HACD3: variants seen among roughly 807,000 people sequenced by gnomAD.
HACD3 encodes the protein 3-hydroxyacyl-CoA dehydratase 3, also known as very-long-chain (3R)-3-hydroxyacyl-CoA dehydratase 3.
HACD3 carries 30 observed loss-of-function variants against 55.2 expected under a neutral mutation model. The ratio of observed to expected loss-of-function variants is 0.54; its 90% CI spans 0.41 to 0.74. The LOEUF is 0.74. HACD3 is among the 30% of genes least tolerant of loss of function. HACD3 has a pLI of 0.00. For missense variants in HACD3, 363 were observed against 440.1 expected (o/e 0.82, Z 1.57); for synonymous variants, 141 against 151.7 (o/e 0.93, Z 0.52).
intron 5 of HACD3, among the ~76,000 whole-genome samples, chr15:65,561,831 C>A (rs769485503): frequency 6.6e-6 from 1 of 152,190 alleles, no homozygotes; most frequent in South Asian, 2.1e-4. Context: ...CGAGTCTGAA[C>A]CTCCAGAACT....
At chr15:65,557,336 G>A (rs8029971) in intron 4 of HACD3, among the ~76,000 whole-genome samples, 26,652 of 152,060 alleles carry the variant, frequency 0.18, 3,468 homozygotes, top group East Asian at 0.73. Flanking sequence ...TTAGCCGGGC[G>A]TGGTGGTGCA....
intron 4 of HACD3, 65 bp from the exon 5 acceptor site, chr15:65,558,615 T>C (rs1471121048): frequency 1.4e-6 from 2 of 1,474,196 alleles, no homozygotes; most frequent in Non-Finnish European, 1.9e-6. Context: ...AGCCAGCATA[T>C]GGACTTTTGC....
intron 1 of HACD3, among the ~76,000 whole-genome samples, chr15:65,547,018 T>C (rs1022318208): frequency 4.6e-5 from 7 of 152,074 alleles, no homozygotes; most frequent in East Asian, 3.8e-4. Flanking sequence ...CTTCCTCCTG[T>C]GAGGGGGTAT....
chr15:65,568,655 A>G (rs118053094), intron 7 of HACD3, among the ~76,000 whole-genome samples: 9,501 of 152,060 alleles, frequency 0.062, 306 homozygotes, highest in African/African-American at 0.09. Context: ...CACCGCACCC[A>G]GCCATTATGT....
At chr15:65,549,920 A>G (rs1387811661) in intron 1 of HACD3, among the ~76,000 whole-genome samples, 2 of 152,344 alleles carry the variant, frequency 1.3e-5, no homozygotes, top group South Asian at 2.1e-4. Flanking sequence ...AAGTGGCCTC[A>G]ACTGGTAGGA....
intron 1 of HACD3, among the ~76,000 whole-genome samples, chr15:65,538,101 C>A (rs967747992): frequency 6.6e-6 from 1 of 151,418 alleles, no homozygotes; most frequent in Non-Finnish European, 1.5e-5. Context: ...TTTTCATGCC[C>A]GCTAACATAA....
chr15:65,558,638 A>G, intron 4 of HACD3, 42 bp from the exon 5 acceptor site: 3 of 1,551,394 alleles, frequency 1.9e-6, no homozygotes, highest in Non-Finnish European at 2.6e-6. Flanking sequence ...GCATCTGGGA[A>G]TTCTAACTTG....
chr15:65,558,775 T>C (rs1364670589), intron 5 of HACD3, 44 bp downstream of exon 5: 5 of 1,558,856 alleles, frequency 3.2e-6, no homozygotes, highest in Non-Finnish European at 4.4e-6. Flanking sequence ...TAACTTGTGC[T>C]AGTGTTGGAA....
chr15:65,532,863 C>T (rs867794608), intron 1 of HACD3, among the ~76,000 whole-genome samples: 10 of 152,040 alleles, frequency 6.6e-5, no homozygotes, highest in Non-Finnish European at 1.2e-4. Context: ...AAAGGTGAGT[C>T]AGACCCAGCT....
At chr15:65,575,780 AAG>A (rs1390622430) in intron 10 of HACD3, among the ~76,000 whole-genome samples, 4 of 152,194 alleles carry the variant, frequency 2.6e-5, no homozygotes, top group Non-Finnish European at 4.4e-5. Flanking sequence ...AAAATTTTAT[AAG>A]AGAAAAAAAT....
chr15:65,570,312 G>C, intron 8 of HACD3, 109 bp downstream of exon 8: 1 of 784,404 alleles, frequency 1.3e-6, no homozygotes, highest in South Asian at 1.8e-5. Context: ...TTGGGACTAA[G>C]ATTACATATG....
At chr15:65,546,913 G>C (rs1038075268) in intron 1 of HACD3, among the ~76,000 whole-genome samples, 1 of 152,170 alleles carries the variant, frequency 6.6e-6, no homozygotes, top group Non-Finnish European at 1.5e-5. Flanking sequence ...CATGACTAAG[G>C]TTTGTTACAG....
At chr15:65,573,984 G>T (rs2072376913) in intron 10 of HACD3, among the ~76,000 whole-genome samples, 1 of 152,108 alleles carries the variant, frequency 6.6e-6, no homozygotes, top group African/African-American at 2.4e-5. Flanking sequence ...ATTTCTCCTT[G>T]CTTTATTTCA....
chr15:65,566,765 C>T (rs1054327005), intron 7 of HACD3: 40 of 152,140 alleles, frequency 2.6e-4, no homozygotes, highest in African/African-American at 8.9e-4. Flanking sequence ...TTTACCTGAA[C>T]AAGAAAGAAC....
At chr15:65,556,058 A>G (rs1307373292) in intron 3 of HACD3, among the ~76,000 whole-genome samples, 1 of 152,164 alleles carries the variant, frequency 6.6e-6, no homozygotes, top group South Asian at 2.1e-4. Context: ...CCAGTTCTCC[A>G]TGCCAGCCGT....
At chr15:65,568,316 CAACTA>C (rs2072312872) in intron 7 of HACD3, among the ~76,000 whole-genome samples, 1 of 151,548 alleles carries the variant, frequency 6.6e-6, no homozygotes, top group African/African-American at 2.4e-5. Flanking sequence ...TGATACCACT[CAACTA>C]AACACTTAAA....
chr15:65,548,658 G>A (rs996524435), intron 1 of HACD3, among the ~76,000 whole-genome samples: 1 of 151,726 alleles, frequency 6.6e-6, no homozygotes, highest in East Asian at 1.9e-4. Flanking sequence ...CTGCAGCTTC[G>A]ACCTCCTGGG....
intron 1 of HACD3, among the ~76,000 whole-genome samples, chr15:65,547,230 C>T (rs994225210): frequency 2.0e-5 from 3 of 152,194 alleles, no homozygotes; most frequent in South Asian, 2.1e-4. Flanking sequence ...AATTCTCCTG[C>T]CTCAGCCTCT....
rs11539008 is a variant in HACD3, at chr15:65,564,315, G to A, written c.633G>A (p.Thr211=). Residue 211 remains threonine, a synonymous_variant, in exon 7 of 11, where the codon ACG becomes ACA. Transcript: ENST00000261875. ...ETINAAIGVT[T]SPVLPSLIQL... ...TCAATGCAGCAATTGGAGTCACTAC[G>A]TCACCGGTGCTGCCTTCTCTGATCC... 0.17 allele frequency: 281,545 copies of A among 1,613,238 alleles called. 25,875 individuals carry two copies. The highest frequency in any genetic ancestry group is 0.19 in the Non-Finnish European group (227,541 of 1,179,390).
Sources: gnomAD v4.1 joint callset for allele counts (sites outside exome capture counted in the v4.1 genomes callset) on GRCh38, gnomAD v4.1.1 for gene constraint, MANE v1.5 for transcripts, NCBI Gene and HGNC (gene_info 2026-07-23, HGNC 2026-07-21) for gene names.